FAM13A: variants seen among roughly 807,000 people sequenced by gnomAD.
FAM13A encodes family with sequence similarity 13 member A, also known as protein FAM13A.
A neutral mutation model predicts 129.6 loss-of-function variants in FAM13A; 76 were observed. The ratio of observed to expected loss-of-function variants is 0.59; its 90% CI spans 0.49 to 0.71. The LOEUF (loss-of-function observed/expected upper bound fraction) is 0.71, where lower values mean the gene tolerates loss of function less well. Among genes scored for constraint, FAM13A ranks in the 30% least tolerant of loss-of-function variants. FAM13A has a pLI of 0.00. For missense variants in FAM13A, 1,108 were observed against 1,249.3 expected, an observed-to-expected ratio of 0.89 and a Z score of 1.70; for synonymous variants, 443 against 449.9, an observed-to-expected ratio of 0.98 and a Z score of 0.20.
intron 4 of FAM13A, among the ~76,000 whole-genome samples, chr4:88,959,840 G>C (rs939857593): frequency 1.1e-4 from 16 of 152,138 alleles, no homozygotes; most frequent in Non-Finnish European, 2.1e-4. Flanking sequence ...TGGCGGTAAG[G>C]GGGTGAGGGG....
chr4:89,046,552 A>T (rs957169853), intron 1 of FAM13A, among the ~76,000 whole-genome samples: 48 of 152,198 alleles, frequency 3.2e-4, no homozygotes, highest in African/African-American at 8.2e-4. Context: ...GAAATTTTTT[A>T]AAAAAAGAAA....
Position 88,747,685 on chromosome 4 carries a change from A to C in FAM13A, c.2328T>G (p.Ile776Met), listed in dbSNP as rs139841208. 28 of 1,614,066 alleles carry C rather than the reference A, an allele frequency of 1.7e-5. No homozygotes were observed. Among genetic ancestry groups the C allele is most frequent in the Non-Finnish European group, 1.9e-5 (22 of 1,180,050 alleles). ...KPSVEATLES[I>M]QRKLQEKRAE... ...CTCGCTTCTCCTGGAGCTTCCTCTG[A>C]ATAGATTCCAATGTGGCTTCAACAC... Residue 776 changes from isoleucine to methionine, a missense_variant, in exon 18 of 24, where the codon ATT (isoleucine) becomes ATG (methionine). Around this residue, in one of 3 missense-constraint regions of FAM13A, gnomAD observed 529 missense variants for 621.2 expected, o/e 0.85. Transcript: ENST00000264344.
rs573271635 is a variant in FAM13A at position 88,985,377 on chromosome 4, G to A, written c.605+5596C>T. ...TGATGAAAATATTCTATAAGTGACC[G>A]TGGTGATGGTTACAGAATTCTGTAT... On this transcript the variant is annotated intron_variant, in intron 4 of 23. Coordinates refer to ENST00000264344, the MANE Select transcript of FAM13A (RefSeq NM_014883.4). Among the ~76,000 whole-genome samples, 34 of 152,268 alleles carry A rather than the reference G, an allele frequency of 2.2e-4. No individual in the cohort carries two copies. The South Asian group carries it at 3.1e-3, about 14-fold the overall frequency.
intron 4 of FAM13A, among the ~76,000 whole-genome samples, chr4:88,955,848 G>A (rs188605601): frequency 1.3e-5 from 2 of 152,254 alleles, no homozygotes; most frequent in Admixed American, 1.3e-4. Context: ...TAAAAGGGAA[G>A]CAGAGCATAA....
At chr4:88,854,678 C>T (rs562219773) in intron 6 of FAM13A, among the ~76,000 whole-genome samples, 1 of 152,196 alleles carries the variant, frequency 6.6e-6, no homozygotes, top group African/African-American at 2.4e-5. Flanking sequence ...TCTACGTATA[C>T]GCTGTGTGAT....
In FAM13A at chr4:88,726,522, G is replaced by A. The variant is rs748736524; in HGVS notation, c.*2011C>T. ...GTAGCTTAAAAAAAAATTCTGTAGC[G>A]TATTTTTCCAAAAACATAGTCTTAA... On this transcript the variant is annotated 3_prime_UTR_variant, in exon 24 of 24. Transcript: ENST00000264344. The A allele has an allele frequency of 2.0e-5, 3 of 152,338 alleles. No individual in the cohort carries two copies. Among genetic ancestry groups the A allele is most frequent in the Non-Finnish European group, 4.4e-5 (3 of 67,998 alleles). 9.4% of individuals were successfully genotyped at this position (152,338 alleles called of 1,614,324 possible).
intron 11 of FAM13A, 94 bp downstream of exon 11, chr4:88,781,071 G>GA: frequency 5.9e-6 from 5 of 845,562 alleles, no homozygotes; most frequent in Non-Finnish European, 8.9e-6. Flanking sequence ...ACTCAAAACT[G>GA]AAAGACTGAA....
intron 7 of FAM13A, among the ~76,000 whole-genome samples, chr4:88,807,712 G>C (rs1728858461): frequency 6.6e-6 from 1 of 152,114 alleles, no homozygotes; most frequent in African/African-American, 2.4e-5. Context: ...CATCACCTTA[G>C]TCAAAGTCCA....
intron 6 of FAM13A, among the ~76,000 whole-genome samples, chr4:88,900,921 C>A (rs946300902): frequency 6.6e-6 from 1 of 151,980 alleles, no homozygotes; most frequent in Non-Finnish European, 1.5e-5. Context: ...CAAAGACACA[C>A]ATAGGGTCAA....
chr4:88,936,081 T>C (rs1753803935), intron 5 of FAM13A, among the ~76,000 whole-genome samples: 1 of 152,182 alleles, frequency 6.6e-6, no homozygotes, highest in Admixed American at 6.5e-5. Flanking sequence ...ACCTAAGACA[T>C]CTGTATTTGG....
chr4:88,758,238 A>G (rs1016275909), intron 14 of FAM13A, among the ~76,000 whole-genome samples: 2 of 152,192 alleles, frequency 1.3e-5, no homozygotes, highest in African/African-American at 4.8e-5. Context: ...GCATGTATTC[A>G]GTGTTCTTTT....
At chr4:88,810,005 A>G (rs941557841) in intron 7 of FAM13A, among the ~76,000 whole-genome samples, 2 of 151,474 alleles carry the variant, frequency 1.3e-5, no homozygotes, top group African/African-American at 4.9e-5. Flanking sequence ...TTATAGTTTT[A>G]TTATTTGCAC....
chr4:88,999,397 T>G (rs970612889), intron 3 of FAM13A, among the ~76,000 whole-genome samples: 6 of 152,104 alleles, frequency 3.9e-5, no homozygotes, highest in African/African-American at 1.5e-4. Flanking sequence ...TGAGAATTTA[T>G]GTACCGAGGA....
At chr4:88,885,916 C>T (rs920102136) in intron 6 of FAM13A, among the ~76,000 whole-genome samples, 1 of 151,596 alleles carries the variant, frequency 6.6e-6, no homozygotes, top group Admixed American at 6.6e-5. Flanking sequence ...TGAAAAAATG[C>T]TCAACATCAC....
At chr4:88,979,702 G>C (rs1761404270) in intron 4 of FAM13A, among the ~76,000 whole-genome samples, 1 of 152,168 alleles carries the variant, frequency 6.6e-6, no homozygotes, top group African/African-American at 2.4e-5. Flanking sequence ...GGCCAGGCAT[G>C]GTGGCTCACC....
intron 11 of FAM13A, among the ~76,000 whole-genome samples, chr4:88,769,378 C>T (rs1050703160): frequency 6.6e-6 from 1 of 152,188 alleles, no homozygotes; most frequent in Admixed American, 6.5e-5. Context: ...GTAGTTATGA[C>T]AGTGGCTCTG....
intron 7 of FAM13A, among the ~76,000 whole-genome samples, chr4:88,823,754 T>C (rs1462400408): frequency 7.2e-5 from 11 of 152,228 alleles, no homozygotes; most frequent in Admixed American, 7.2e-4. Context: ...ATGTATTTCC[T>C]GCTGATGTTT....
intron 14 of FAM13A, among the ~76,000 whole-genome samples, chr4:88,751,224 AGAGT>A (rs2149476784): frequency 6.6e-6 from 1 of 152,342 alleles, no homozygotes; most frequent in East Asian, 1.9e-4. Flanking sequence ...CCTGGGCGAC[AGAGT>A]GAGACTTTGT....
At chr4:88,779,275 T>C (rs1219107199) in intron 11 of FAM13A, among the ~76,000 whole-genome samples, 1 of 152,098 alleles carries the variant, frequency 6.6e-6, no homozygotes, top group Non-Finnish European at 1.5e-5. Flanking sequence ...TTGGTCAGAA[T>C]GTAAAGAACT....
Sources: gnomAD v4.1 joint callset for allele counts (sites outside exome capture counted in the v4.1 genomes callset) on GRCh38, gnomAD v4.1.1 for gene constraint, gnomAD v4.1.1 regional missense constraint, MANE v1.5 for transcripts, NCBI Gene and HGNC (gene_info 2026-07-23, HGNC 2026-07-21) for gene names.